EXOC4: variants seen among roughly 807,000 people sequenced by gnomAD.
EXOC4 encodes SEC8-like 1.
EXOC4 carries 71 observed loss-of-function variants against 107.2 expected under a neutral mutation model. The observed-to-expected ratio is 0.66, with a 90% confidence interval of 0.55 to 0.81. The LOEUF is 0.81. EXOC4 is among the 30% of genes least tolerant of loss of function. EXOC4 has a pLI of 0.00. For synonymous variants in EXOC4, 456 were observed against 441.2 expected, an observed-to-expected ratio of 1.03 and a Z score of -0.42; for missense variants, 1,108 against 1,189.6, an observed-to-expected ratio of 0.93 and a Z score of 1.01.
At chr7:133,295,400 T>G (rs1794497096) in intron 3 of EXOC4, among the ~76,000 whole-genome samples, 2 of 152,142 alleles carry the variant, frequency 1.3e-5, no homozygotes, top group Non-Finnish European at 2.9e-5. Context: ...TCGGCTTACA[T>G]TAAAAATATG....
rs190492872 is a variant in EXOC4, at chr7:133,415,666, T to A, written c.1182+40664T>A. On this transcript the variant is annotated intron_variant, in intron 7 of 17. Transcript: ENST00000253861. ...ATGGTGAGTGGAGCTTTAGCTATAT[T>A]TGTGTCATTTTATTTCTTAAATAAC... Among the ~76,000 whole-genome samples the A allele has an allele frequency of 5.9e-5, 9 of 152,316 alleles. No individual in the cohort carries two copies. In the South Asian group the frequency reaches 1.7e-3, roughly 28 times the overall value.
At chr7:133,990,797 T>G (rs1794237334) in intron 14 of EXOC4, among the ~76,000 whole-genome samples, 3 of 152,188 alleles carry the variant, frequency 2.0e-5, no homozygotes, top group Non-Finnish European at 4.4e-5. Flanking sequence ...CCATTGTGTA[T>G]ATCTACCACA....
chr7:133,492,816 A>C (rs1478634190), intron 9 of EXOC4, among the ~76,000 whole-genome samples: 1 of 152,124 alleles, frequency 6.6e-6, no homozygotes, highest in Non-Finnish European at 1.5e-5. Flanking sequence ...TGTGCAAGTC[A>C]CTTAACCAGT....
chr7:133,979,528 C>T (rs572383165), intron 14 of EXOC4, among the ~76,000 whole-genome samples: 1 of 152,272 alleles, frequency 6.6e-6, no homozygotes, highest in East Asian at 1.9e-4. Context: ...TGGCTCACGC[C>T]TGTAATCCCA....
At chr7:133,593,100 T>C (rs1362290502) in intron 9 of EXOC4, among the ~76,000 whole-genome samples, 1 of 152,226 alleles carries the variant, frequency 6.6e-6, no homozygotes. Context: ...GTCTTTTGTT[T>C]TGGTGTCAGT....
At chr7:134,091,704 G>T in the EXOC4 span, among the ~76,000 whole-genome samples, 1 of 152,174 alleles carries the variant, frequency 6.6e-6, no homozygotes, top group Non-Finnish European at 1.5e-5. Flanking sequence ...GCAGGAAAAT[G>T]TGGAAAGTAA....
intron 10 of EXOC4, among the ~76,000 whole-genome samples, chr7:133,816,825 G>A (rs1183501875): frequency 6.6e-6 from 1 of 152,154 alleles, no homozygotes; most frequent in Non-Finnish European, 1.5e-5. Context: ...GATCTGACAG[G>A]AGGCGGAGCT....
intron 5 of EXOC4, among the ~76,000 whole-genome samples, chr7:133,350,741 G>A (rs538620931): frequency 6.6e-6 from 1 of 152,054 alleles, no homozygotes; most frequent in Admixed American, 6.6e-5. Flanking sequence ...ATTTTGATGG[G>A]GCAGTTGCAT....
intron 11 of EXOC4, among the ~76,000 whole-genome samples, chr7:133,845,972 A>G (rs535252996): frequency 6.6e-6 from 1 of 152,286 alleles, no homozygotes; most frequent in Non-Finnish European, 1.5e-5. Context: ...ATAAAACAAT[A>G]GACTTTGCAA....
intron 2 of EXOC4, among the ~76,000 whole-genome samples, chr7:133,288,521 T>A (rs1794331814): frequency 6.6e-6 from 1 of 152,206 alleles, no homozygotes; most frequent in African/African-American, 2.4e-5. Context: ...TTGGACCAAG[T>A]GACCTATCAG....
intron 9 of EXOC4, among the ~76,000 whole-genome samples, chr7:133,599,711 A>C (rs190526468): frequency 3.3e-5 from 5 of 152,156 alleles, no homozygotes; most frequent in Admixed American, 3.3e-4. Flanking sequence ...TGTGGAGTAT[A>C]TTGTGTCCAG....
chr7:133,630,921 G>A (rs1802576444), intron 10 of EXOC4, among the ~76,000 whole-genome samples: 1 of 152,076 alleles, frequency 6.6e-6, no homozygotes, highest in African/African-American at 2.4e-5. Context: ...CTTTATGAGA[G>A]TGGAAAAAAG....
intron 17 of EXOC4, among the ~76,000 whole-genome samples, chr7:134,015,643 G>A (rs1474650644): frequency 6.6e-6 from 1 of 152,084 alleles, no homozygotes; most frequent in Non-Finnish European, 1.5e-5. Context: ...TTGGGAGGCC[G>A]AGGCAGGTGG....
chr7:133,793,619 C>T (rs1016085479), intron 10 of EXOC4, among the ~76,000 whole-genome samples: 1 of 152,096 alleles, frequency 6.6e-6, no homozygotes, highest in African/African-American at 2.4e-5. Flanking sequence ...CCAAGGTGGA[C>T]GGATCACCTG....
chr7:133,481,155 A>G (rs2150861051), intron 9 of EXOC4: 1 of 152,216 alleles, frequency 6.6e-6, no homozygotes, highest in South Asian at 2.1e-4. Flanking sequence ...AAAGAAATAT[A>G]AAGCTTAAAG....
intron 9 of EXOC4, among the ~76,000 whole-genome samples, chr7:133,543,263 A>G (rs982541524): frequency 6.6e-6 from 1 of 152,110 alleles, no homozygotes; most frequent in Non-Finnish European, 1.5e-5. Flanking sequence ...CCCTAAGGCA[A>G]ATTTTTAGGT....
chr7:133,495,339 TTA>T (rs1471956552), intron 9 of EXOC4, among the ~76,000 whole-genome samples: 1 of 152,174 alleles, frequency 6.6e-6, no homozygotes, highest in Non-Finnish European at 1.5e-5. Context: ...TTTTTTAACC[TTA>T]GTTTATTTAT....
In EXOC4 at chr7:133,451,480, A is replaced by G. The variant is rs13438709; in HGVS notation, c.1183-23848A>G. On this transcript the variant is annotated intron_variant, in intron 7 of 17. Coordinates refer to ENST00000253861, the MANE Select transcript of EXOC4 (RefSeq NM_021807.4). The stretch of plus-strand genomic sequence containing the variant: ...AACATAAACGTTTATTAATTCAGAT[A>G]ATTTACTAATATTTTATTTGTTAAT... 2.9e-3 allele frequency among the ~76,000 whole-genome samples: 393 copies of G among 135,758 alleles called. 3 individuals carry two copies. Among genetic ancestry groups the G allele is most frequent in the African/African-American group, 0.011 (371 of 35,232 alleles). 89.1% of individuals were successfully genotyped at this position (135,758 alleles called of 152,430 possible).
intron 9 of EXOC4, among the ~76,000 whole-genome samples, chr7:133,513,740 A>T (rs553091156): frequency 1.3e-5 from 2 of 152,270 alleles, no homozygotes; most frequent in South Asian, 4.1e-4. Context: ...CTCTTTGTAA[A>T]GTTAAAGTAA....
Sources: allele counts gnomAD v4.1 joint callset (sites outside exome capture counted in the v4.1 genomes callset), GRCh38; gene constraint gnomAD v4.1.1; transcripts MANE v1.5; gene names NCBI Gene and HGNC (gene_info 2026-07-23, HGNC 2026-07-21).